Variants in NCKAP5 observed in about 807,000 individuals in gnomAD.
NCKAP5 encodes NCK associated protein 5.
NCKAP5 carries 92 observed loss-of-function variants against 167.0 expected under a neutral mutation model. The observed-to-expected ratio is 0.55, with a 90% confidence interval of 0.47 to 0.66. The LOEUF is 0.66. NCKAP5 is among the 30% of genes least tolerant of loss of function. The probability of loss-of-function intolerance (pLI) is 0.00; values close to 1 mark genes in which losing one functional copy is unlikely to be tolerated. For synonymous variants in NCKAP5, 891 were observed against 877.4 expected (o/e 1.02, Z -0.27); for missense variants, 2,378 against 2,315.0 (o/e 1.03, Z -0.56).
In NCKAP5 at chr2:132,673,304, T is replaced by C; in HGVS notation, c.5715A>G (p.Glu1905=). ...LVKALKSAAP[E]IETT is the part of the protein sequence containing the mutation. ...TTTTGTTTCTTCAAGTTGTCTCAATTTCTGCAATAAAAAGAAGAAAATATT... is the reference window on the plus strand; with the variant it reads ...TTTTGTTTCTTCAAGTTGTCTCAATCTCTGCAATAAAAAGAAGAAAATATT... The change falls in exon 20 of 20, where the codon GAA becomes GAG. Residue 1905 remains glutamate (E), a splice_region_variant and synonymous_variant. Coordinates refer to ENST00000409261, the MANE Select transcript of NCKAP5 (RefSeq NM_207363.3). 6.8e-7 allele frequency: 1 copy of C among 1,476,578 alleles called. No individual in the cohort carries two copies. Among genetic ancestry groups the C allele is most frequent in the Admixed American group, 2.2e-5 (1 of 46,092 alleles). 91.5% of individuals were successfully genotyped at this position (1,476,578 alleles called of 1,614,324 possible).
Position 132,785,701 on chromosome 2 carries a change from C to G in NCKAP5, c.1110G>C (p.Trp370Cys). ...AAGAATCAATACTTAGCCTTTTATCCCAGTTTTGTGATGATTGCTAGGAAA... is the reference window on the plus strand; with the variant it reads ...AAGAATCAATACTTAGCCTTTTATCGCAGTTTTGTGATGATTGCTAGGAAA... ...NLRKRQSSQN[W>C]DKRLSIDSSL... The change falls in exon 14 of 20, where the codon TGG (tryptophan) becomes TGC (cysteine). Residue 370 changes from tryptophan (W) to cysteine (C), a missense_variant. Physicochemically the swap from Trp to Cys is radical, Grantham distance 215. This residue lies in a region of NCKAP5 where 1,049 missense variants were observed against 1,023.4 expected (regional missense o/e 1.02). Transcript: ENST00000409261. The G allele has an allele frequency of 1.3e-6, 2 of 1,492,456 alleles. No homozygotes were observed. Among genetic ancestry groups the G allele is most frequent in the East Asian group, 4.7e-5 (2 of 42,752 alleles). 92.5% of individuals were successfully genotyped at this position (1,492,456 alleles called of 1,614,324 possible).
chr2:132,791,045 G>A (rs1324836467), intron 12 of NCKAP5, among the ~76,000 whole-genome samples: 4 of 152,114 alleles, frequency 2.6e-5, no homozygotes, highest in Non-Finnish European at 5.9e-5. Flanking sequence ...CTGGATCCCG[G>A]GCTACCCACT....
intron 3 of NCKAP5, among the ~76,000 whole-genome samples, chr2:133,490,459 T>A (rs1681342250): frequency 6.6e-6 from 1 of 152,210 alleles, no homozygotes; most frequent in South Asian, 2.1e-4. Flanking sequence ...AACAATGTTA[T>A]GTGGAGAAAA....
intron 4 of NCKAP5, among the ~76,000 whole-genome samples, chr2:133,225,569 A>T (rs1367857494): frequency 6.6e-6 from 1 of 152,074 alleles, no homozygotes; most frequent in Non-Finnish European, 1.5e-5. Flanking sequence ...TTGTGGAATG[A>T]TTTACACACA....
intron 6 of NCKAP5, among the ~76,000 whole-genome samples, chr2:133,094,436 C>A: frequency 6.6e-6 from 1 of 152,240 alleles, no homozygotes; most frequent in South Asian, 2.1e-4. Flanking sequence ...GGCTAAATAC[C>A]ACCTGGCTCC....
At chr2:133,023,680 G>A (rs2078605123) in intron 6 of NCKAP5, among the ~76,000 whole-genome samples, 1 of 152,094 alleles carries the variant, frequency 6.6e-6, no homozygotes, top group Admixed American at 6.5e-5. Flanking sequence ...GCTCCTACTT[G>A]TAAGTGAGAA....
rs115356286 is a variant in NCKAP5, at chr2:132,824,679, G to A, written c.808-27950C>T. On this transcript the variant is annotated intron_variant, in intron 11 of 19. Transcript: ENST00000409261. Reference sequence around the variant, plus strand: ...CTTCCTGACCCCTCTGTGGTTGGGTGGGGCCCTGTGACTAGTTCTGGCTAA... The same window carrying A: ...CTTCCTGACCCCTCTGTGGTTGGGTAGGGCCCTGTGACTAGTTCTGGCTAA... Among the ~76,000 whole-genome samples the A allele has an allele frequency of 7.5e-3, 1,138 of 152,276 alleles. 14 individuals are homozygous for A. The highest frequency in any genetic ancestry group is 0.026 in the African/African-American group (1,086 of 41,568).
At chr2:133,416,792 A>G (rs982848442) in intron 3 of NCKAP5, among the ~76,000 whole-genome samples, 1 of 152,214 alleles carries the variant, frequency 6.6e-6, no homozygotes, top group Non-Finnish European at 1.5e-5. Flanking sequence ...TTAGGATGAG[A>G]GGCAGCTCAT....
chr2:133,014,890 C>T (rs2078278112), intron 6 of NCKAP5, among the ~76,000 whole-genome samples: 1 of 152,136 alleles, frequency 6.6e-6, no homozygotes, highest in Admixed American at 6.6e-5. Flanking sequence ...TGGGTAAATA[C>T]ATAAAGTTGA....
At chr2:133,177,513 A>G (rs2084522855) in intron 5 of NCKAP5, among the ~76,000 whole-genome samples, 1 of 152,112 alleles carries the variant, frequency 6.6e-6, no homozygotes, top group Non-Finnish European at 1.5e-5. Context: ...GCAAACATGG[A>G]TTACTGCCAG....
chr2:133,560,085 A>G (rs1688051089), intron 1 of NCKAP5, among the ~76,000 whole-genome samples: 1 of 152,192 alleles, frequency 6.6e-6, no homozygotes, highest in African/African-American at 2.4e-5. Flanking sequence ...GTACTCACAC[A>G]CTTATTGAAA....
At chr2:133,071,939 A>G (rs1198277581) in intron 6 of NCKAP5, among the ~76,000 whole-genome samples, 1 of 152,180 alleles carries the variant, frequency 6.6e-6, no homozygotes, top group African/African-American at 2.4e-5. Flanking sequence ...AGTGTATTAA[A>G]TGAACTCATA....
At chr2:133,438,524 G>T (rs573991622) in intron 3 of NCKAP5, among the ~76,000 whole-genome samples, 1 of 152,040 alleles carries the variant, frequency 6.6e-6, no homozygotes, top group Non-Finnish European at 1.5e-5. Flanking sequence ...AGATAACTTC[G>T]CATAAAGTAT....
the NCKAP5 span, among the ~76,000 whole-genome samples, chr2:133,598,891 T>C: frequency 2.0e-5 from 3 of 152,158 alleles, no homozygotes; most frequent in East Asian, 1.9e-4. Flanking sequence ...TAGGGAAGAA[T>C]CCCTCCCAGC....
At chr2:133,243,584 G>A (rs572937994) in intron 4 of NCKAP5, among the ~76,000 whole-genome samples, 3 of 152,276 alleles carry the variant, frequency 2.0e-5, no homozygotes, top group African/African-American at 4.8e-5. Context: ...GGATGCCATG[G>A]CTGGAAGCTC....
intron 6 of NCKAP5, among the ~76,000 whole-genome samples, chr2:132,999,389 C>A (rs1196815595): frequency 6.6e-6 from 1 of 152,166 alleles, no homozygotes; most frequent in African/African-American, 2.4e-5. Flanking sequence ...TAAATTCTCT[C>A]CCAGTTCCCA....
intron 3 of NCKAP5, among the ~76,000 whole-genome samples, chr2:133,457,336 C>T (rs1691923574): frequency 6.6e-6 from 1 of 152,082 alleles, no homozygotes; most frequent in Non-Finnish European, 1.5e-5. Flanking sequence ...TAAAATATGA[C>T]CTCAAAGAGT....
At chr2:133,068,057 T>C (rs2080259062) in intron 6 of NCKAP5, among the ~76,000 whole-genome samples, 2 of 152,112 alleles carry the variant, frequency 1.3e-5, no homozygotes, top group South Asian at 4.1e-4. Context: ...GGTAGCTATC[T>C]TCCACCCATA....
rs111783954 is a variant in NCKAP5, at chr2:132,848,601, A to C, written c.807+11891T>G. 2.2e-3 allele frequency among the ~76,000 whole-genome samples: 337 copies of C among 152,332 alleles called. 2 individuals are homozygous for C. The highest frequency in any genetic ancestry group is 7.6e-3 in the African/African-American group (316 of 41,580). Reference sequence around the variant, plus strand: ...ATATCTATTATAAAATATGATTTTGAAGACATGATTCTTATCCTCTTCCAT... The same window carrying C: ...ATATCTATTATAAAATATGATTTTGCAGACATGATTCTTATCCTCTTCCAT... On this transcript the variant is annotated intron_variant, in intron 11 of 19. Transcript: ENST00000409261.
Sources: gnomAD v4.1 joint callset for allele counts (sites outside exome capture counted in the v4.1 genomes callset) on GRCh38, gnomAD v4.1.1 for gene constraint, gnomAD v4.1.1 regional missense constraint, MANE v1.5 for transcripts, NCBI Gene and HGNC (gene_info 2026-07-23, HGNC 2026-07-21) for gene names.